FHIT: variants seen among roughly 807,000 people sequenced by gnomAD.
The protein encoded by FHIT is fragile histidine triad diadenosine triphosphatase.
FHIT carries 19 observed loss-of-function variants against 17.9 expected under a neutral mutation model. The observed-to-expected ratio is 1.06, with a 90% CI of 0.74 to 1.56. FHIT has a LOEUF of 1.56. FHIT is among the 40% of genes most tolerant of loss of function. The probability of loss-of-function intolerance (pLI) is 0.00; values close to 1 mark genes in which losing one functional copy is unlikely to be tolerated. For missense variants in FHIT, 248 were observed against 189.2 expected (o/e 1.31, Z -1.82); for synonymous variants, 81 against 69.7 (o/e 1.16, Z -0.81).
intron 5 of FHIT, among the ~76,000 whole-genome samples, chr3:60,485,072 T>G (rs2033777407): frequency 6.6e-6 from 1 of 152,288 alleles, no homozygotes; most frequent in East Asian, 1.9e-4. Flanking sequence ...TCACTGATCA[T>G]CAGAGAAATG....
chr3:60,173,908 TATA>T (rs1701537257), intron 5 of FHIT, among the ~76,000 whole-genome samples: 2 of 81,164 alleles, frequency 2.5e-5, no homozygotes, highest in Non-Finnish European at 4.5e-5. Context: ...TATATATATA[TATA>T]TATATGTTTT....
intron 8 of FHIT, among the ~76,000 whole-genome samples, chr3:59,894,378 C>T (rs1486076827): frequency 6.6e-6 from 1 of 152,190 alleles, no homozygotes; most frequent in Non-Finnish European, 1.5e-5. Flanking sequence ...AGGCAACTTT[C>T]ACAATGTCTA....
intron 4 of FHIT, among the ~76,000 whole-genome samples, chr3:60,583,247 T>C (rs190402915): frequency 6.6e-6 from 1 of 152,060 alleles, no homozygotes. Flanking sequence ...GCAAACCCTT[T>C]CCAATCCATT....
intron 5 of FHIT, among the ~76,000 whole-genome samples, chr3:60,323,245 G>A (rs946885173): frequency 2.6e-5 from 4 of 152,014 alleles, no homozygotes; most frequent in African/African-American, 9.7e-5. Context: ...CATGAAATAC[G>A]TAGTCAGTGA....
intron 5 of FHIT, among the ~76,000 whole-genome samples, chr3:60,218,835 T>C (rs1703821126): frequency 6.6e-6 from 1 of 152,082 alleles, no homozygotes; most frequent in Admixed American, 6.6e-5. Flanking sequence ...ATCCAGGGTC[T>C]GAGCTCTTAA....
intron 2 of FHIT, among the ~76,000 whole-genome samples, chr3:61,192,279 G>A (rs1439612056): frequency 6.6e-6 from 1 of 152,178 alleles, no homozygotes; most frequent in African/African-American, 2.4e-5. Context: ...CTCTTATTCT[G>A]ATGGGTTTTT....
At chr3:59,995,793 T>G (rs1255727624) in intron 7 of FHIT, among the ~76,000 whole-genome samples, 2 of 152,038 alleles carry the variant, frequency 1.3e-5, no homozygotes, top group Non-Finnish European at 2.9e-5. Flanking sequence ...CACGTTCCAT[T>G]TCATTTGACT....
chr3:60,355,141 A>G (rs1340142800), intron 5 of FHIT, among the ~76,000 whole-genome samples: 2 of 152,184 alleles, frequency 1.3e-5, no homozygotes, highest in Non-Finnish European at 2.9e-5. Context: ...CACAGAATAA[A>G]TGTTTTTTGT....
chr3:60,370,463 C>T (rs1212615199), intron 5 of FHIT, among the ~76,000 whole-genome samples: 5 of 152,140 alleles, frequency 3.3e-5, no homozygotes, highest in Non-Finnish European at 7.4e-5. Context: ...ATTTCAAGGT[C>T]GCGCCTCCTC....
At chr3:59,985,390 T>C (rs181481414) in intron 7 of FHIT, among the ~76,000 whole-genome samples, 2 of 152,136 alleles carry the variant, frequency 1.3e-5, no homozygotes, top group Admixed American at 1.3e-4. Flanking sequence ...TATTATCAGG[T>C]GTTGCTTTCA....
At chr3:59,874,355 T>C (rs1703057076) in intron 8 of FHIT, among the ~76,000 whole-genome samples, 1 of 152,212 alleles carries the variant, frequency 6.6e-6, no homozygotes. Flanking sequence ...AATTGATCCA[T>C]AATTTCGACT....
intron 5 of FHIT, among the ~76,000 whole-genome samples, chr3:60,018,582 T>G (rs537593220): frequency 6.6e-6 from 1 of 151,858 alleles, no homozygotes; most frequent in Non-Finnish European, 1.5e-5. Context: ...CTGTCAGAGA[T>G]CATCTCAGAC....
At chr3:60,553,366 G>A (rs1243152005) in intron 4 of FHIT, 2 of 978,770 alleles carry the variant, frequency 2.0e-6, no homozygotes, top group Non-Finnish European at 2.4e-6. Context: ...TTTACGTAAT[G>A]TGAATCAGCA....
intron 5 of FHIT, among the ~76,000 whole-genome samples, chr3:60,083,191 G>A (rs1036634728): frequency 6.6e-6 from 1 of 152,106 alleles, no homozygotes; most frequent in African/African-American, 2.4e-5. Flanking sequence ...TAGTTAGCCA[G>A]CTATCCCAGC....
At chr3:60,494,381 T>C (rs1319524576) in intron 5 of FHIT, among the ~76,000 whole-genome samples, 3 of 152,176 alleles carry the variant, frequency 2.0e-5, no homozygotes, top group Non-Finnish European at 4.4e-5. Flanking sequence ...GTACATGACA[T>C]GTTTTGATAC....
intron 5 of FHIT, among the ~76,000 whole-genome samples, chr3:60,201,287 A>C (rs1190278836): frequency 1.3e-5 from 2 of 152,094 alleles, no homozygotes; most frequent in African/African-American, 4.8e-5. Context: ...GGTAGATTTC[A>C]ATCATCATTC....
At chr3:60,039,147 C>T (rs909486013) in intron 5 of FHIT, among the ~76,000 whole-genome samples, 19 of 152,148 alleles carry the variant, frequency 1.2e-4, no homozygotes, top group African/African-American at 4.6e-4. Flanking sequence ...TTTCCATGTG[C>T]TCTCTCCCAT....
Position 60,129,042 on chromosome 3 carries a change from C to CTTTTTTT in FHIT, c.104-114891_104-114890insAAAAAAA, listed in dbSNP as rs1360333142. ...ACTTAATTTTCCCTTTTCTTCTTTC[C>CTTTTTTT]TTTTTTGTTTGTTTTTTTTTTTTTT... On this transcript the variant is annotated intron_variant, in intron 5 of 9. Coordinates refer to ENST00000492590, the MANE Select transcript of FHIT (RefSeq NM_002012.4). Among the ~76,000 whole-genome samples, 101 of 113,028 alleles carry CTTTTTTT rather than the reference C, an allele frequency of 8.9e-4. 1 individual carries two copies. Among genetic ancestry groups the CTTTTTTT allele is most frequent in the African/African-American group, 2.9e-3 (86 of 29,312 alleles). The allele number at this position is 113,028 out of a possible 152,430, so 74.2% of individuals were successfully genotyped here.
intron 4 of FHIT, chr3:60,690,654 G>A (rs782598366): frequency 5.3e-5 from 27 of 510,940 alleles, no homozygotes; most frequent in Admixed American, 2.5e-4. Flanking sequence ...CAAACAGCTC[G>A]AAGGAGACGC....
Sources: gnomAD v4.1 joint callset for allele counts (sites outside exome capture counted in the v4.1 genomes callset) on GRCh38, gnomAD v4.1.1 for gene constraint, MANE v1.5 for transcripts, NCBI Gene and HGNC (gene_info 2026-07-23, HGNC 2026-07-21) for gene names.